The following NREP variants were observed in gnomAD, a reference collection of about 807,000 sequenced individuals.
NREP encodes neuronal regeneration related protein, also known as neuronal regeneration-related protein.
Under a neutral mutation model 8.6 loss-of-function variants are expected in NREP, and 5 were observed. The ratio of observed to expected loss-of-function variants is 0.58; its 90% confidence interval spans 0.30 to 1.22. The LOEUF is 1.22. Ranked by LOEUF, NREP falls within the 50% of genes most tolerant of loss-of-function variation. The pLI, the probability that NREP is intolerant of heterozygous loss-of-function variation, is 0.07. For synonymous variants in NREP, 27 were observed against 28.0 expected, an observed-to-expected ratio of 0.96 and a Z score of 0.11; for missense variants, 86 against 82.5, an observed-to-expected ratio of 1.04 and a Z score of -0.17.
At chr5:111,910,109 A>T (rs1393801505) in intron 2 of NREP, among the ~76,000 whole-genome samples, 1 of 152,100 alleles carries the variant, frequency 6.6e-6, no homozygotes, top group Non-Finnish European at 1.5e-5. Flanking sequence ...CTAAAATGTT[A>T]TATTTTCCAT....
intron 2 of NREP, among the ~76,000 whole-genome samples, chr5:111,796,984 C>T (rs533268061): frequency 6.6e-6 from 1 of 152,054 alleles, no homozygotes; most frequent in East Asian, 1.9e-4. Context: ...GGGGCCCATA[C>T]TGCTAAGAGG....
intron 2 of NREP, among the ~76,000 whole-genome samples, chr5:111,829,233 G>A (rs1752703819): frequency 6.6e-6 from 1 of 152,194 alleles, no homozygotes; most frequent in South Asian, 2.1e-4. Flanking sequence ...AAGGAGTTGA[G>A]ACTTTCATTT....
At chr5:111,962,327 C>T in intron 2 of NREP, among the ~76,000 whole-genome samples, 1 of 151,936 alleles carries the variant, frequency 6.6e-6, no homozygotes, top group East Asian at 1.9e-4. Flanking sequence ...AGCCAAAAAG[C>T]AATAATAAAA....
intron 2 of NREP, among the ~76,000 whole-genome samples, chr5:111,863,181 G>T (rs991272177): frequency 1.3e-5 from 2 of 152,022 alleles, no homozygotes; most frequent in Non-Finnish European, 2.9e-5. Flanking sequence ...GTAGTAGAGA[G>T]AGAGAAACAT....
intron 2 of NREP, among the ~76,000 whole-genome samples, chr5:111,903,743 A>G (rs2112552346): frequency 6.6e-6 from 1 of 152,276 alleles, no homozygotes; most frequent in East Asian, 1.9e-4. Flanking sequence ...TTATTAAATA[A>G]GCAGCAACAC....
intron 2 of NREP, among the ~76,000 whole-genome samples, chr5:111,742,508 C>T (rs1358054746): frequency 6.6e-6 from 1 of 152,110 alleles, no homozygotes; most frequent in African/African-American, 2.4e-5. Context: ...ATGTAATATT[C>T]TGCTTGTTTG....
chr5:111,746,431 G>A (rs1035713428), intron 2 of NREP, among the ~76,000 whole-genome samples: 1 of 152,048 alleles, frequency 6.6e-6, no homozygotes, highest in African/African-American at 2.4e-5. Flanking sequence ...AGTAAGAAAT[G>A]GAGACTCAGT....
At chr5:111,853,931 G>A (rs773994402) in intron 2 of NREP, among the ~76,000 whole-genome samples, 3 of 151,996 alleles carry the variant, frequency 2.0e-5, no homozygotes, top group South Asian at 2.1e-4. Context: ...GCTCTTTCTC[G>A]TTTCATGATG....
intron 2 of NREP, among the ~76,000 whole-genome samples, chr5:111,841,493 T>C (rs1753029035): frequency 6.6e-6 from 1 of 152,144 alleles, no homozygotes; most frequent in Non-Finnish European, 1.5e-5. Flanking sequence ...ACCAATAGGA[T>C]ATAAGGCCAG....
intron 2 of NREP, among the ~76,000 whole-genome samples, chr5:111,942,423 G>A (rs1755854720): frequency 6.6e-6 from 1 of 151,952 alleles, no homozygotes; most frequent in Non-Finnish European, 1.5e-5. Flanking sequence ...CCCTAAAATA[G>A]GCGCTTTTGC....
intron 2 of NREP, among the ~76,000 whole-genome samples, chr5:111,849,859 C>T (rs879513620): frequency 2.6e-5 from 4 of 152,016 alleles, no homozygotes; most frequent in Non-Finnish European, 4.4e-5. Flanking sequence ...TCTTCCTTCC[C>T]GCAGTCTTGA....
At chr5:111,758,052 G>C (rs564663040), upstream of NREP, 39 of 985,578 alleles carry the variant, frequency 4.0e-5, no homozygotes, top group Non-Finnish European at 4.7e-5. Context: ...CGGCGGCGCG[G>C]AGCCGCGCTC....
intron 2 of NREP, among the ~76,000 whole-genome samples, chr5:111,780,884 C>T (rs1751477661): frequency 7.2e-6 from 1 of 139,014 alleles, no homozygotes; most frequent in African/African-American, 2.6e-5. Flanking sequence ...GTCTATGTTC[C>T]TTCCCACATT....
chr5:111,762,817 T>G (rs184219988), intron 2 of NREP, among the ~76,000 whole-genome samples: 2 of 152,308 alleles, frequency 1.3e-5, no homozygotes, highest in African/African-American at 4.8e-5. Context: ...AGACCGCCCT[T>G]GCAGCAAACA....
intron 2 of NREP, among the ~76,000 whole-genome samples, chr5:111,915,896 G>T (rs199664634): frequency 6.6e-6 from 1 of 151,956 alleles, no homozygotes; most frequent in East Asian, 1.9e-4. Flanking sequence ...GCATCTAAAC[G>T]CTAATATTAC....
intron 2 of NREP, among the ~76,000 whole-genome samples, chr5:111,861,768 A>G (rs963569267): frequency 6.6e-6 from 1 of 152,194 alleles, no homozygotes; most frequent in Non-Finnish European, 1.5e-5. Context: ...AATAAATATT[A>G]ATGATAATCC....
intron 2 of NREP, among the ~76,000 whole-genome samples, chr5:111,825,072 G>A (rs899909968): frequency 6.6e-6 from 1 of 152,076 alleles, no homozygotes; most frequent in South Asian, 2.1e-4. Flanking sequence ...GCTAAAAAGT[G>A]TGCAGTTATG....
rs11352654 is a variant in NREP, at chr5:111,868,833, C to CTTT, written c.135+106438_135+106440dup. ...AAATTTGAAGCATCATCCAGTTTTT[C>CTTT]TTTTTTTTTTTTTTACCACAATTGT... On this transcript the variant is annotated intron_variant, in intron 2 of 3. Transcript: ENST00000395634. Among the ~76,000 whole-genome samples, 8 of 143,776 alleles carry CTTT rather than the reference C, an allele frequency of 5.6e-5. No homozygotes were observed. In the East Asian group the frequency reaches 1.4e-3, roughly 25 times the overall value. 94.3% of individuals were successfully genotyped at this position (143,776 alleles called of 152,430 possible). A position where few individuals can be genotyped will look rare whatever the true frequency, so the allele number is the denominator to read the frequency against.
At chr5:111,918,033 C>G (rs1370245277) in intron 2 of NREP, among the ~76,000 whole-genome samples, 1 of 152,120 alleles carries the variant, frequency 6.6e-6, no homozygotes, top group Non-Finnish European at 1.5e-5. Context: ...AATCAATATG[C>G]AAAAATCACA....
Sources: allele counts gnomAD v4.1 joint callset (sites outside exome capture counted in the v4.1 genomes callset), GRCh38; gene constraint gnomAD v4.1.1; transcripts MANE v1.5; gene names NCBI Gene and HGNC (gene_info 2026-07-23, HGNC 2026-07-21).